The following PCDHGB5 variants were observed in gnomAD, a reference collection of about 807,000 sequenced individuals.
The protein encoded by PCDHGB5 is protocadherin gamma-B5.
PCDHGB5 carries 48 observed loss-of-function variants against 62.9 expected under a neutral mutation model. The observed-to-expected ratio is 0.76, with a 90% CI of 0.61 to 0.97. The LOEUF (loss-of-function observed/expected upper bound fraction) is 0.97. PCDHGB5 is among the 50% of genes least tolerant of loss of function. The pLI is 0.00. For missense variants in PCDHGB5, 1,118 were observed against 1,198.6 expected, an observed-to-expected ratio of 0.93 and a Z score of 0.99; for synonymous variants, 474 against 511.2, an observed-to-expected ratio of 0.93 and a Z score of 0.98.
chr5:141,493,808 C>T lies in PCDHGB5; in HGVS notation c.2398-999C>T, dbSNP rs2099750260. On this transcript the variant is annotated intron_variant, in intron 1 of 3. Transcript: ENST00000617380. The surrounding 1 kb of genome is among the most constrained non-coding windows in gnomAD (Gnocchi z 4.3). ...CTTCTCCCTGGAGTAATCTGAGATA[C>T]TCACACTCTCTGCTTCTGGGAGCAA... is the stretch of plus-strand genomic sequence containing the variant. 6.6e-6 allele frequency among the ~76,000 whole-genome samples: 1 copy of T among 152,200 alleles called. No individual in the cohort carries two copies. The highest frequency in any genetic ancestry group is 1.5e-5 in the Non-Finnish European group (1 of 68,042).
chr5:141,463,927 A>G (rs1454864391), intron 1 of PCDHGB5, among the ~76,000 whole-genome samples: 1 of 152,206 alleles, frequency 6.6e-6, no homozygotes, highest in Non-Finnish European at 1.5e-5. Flanking sequence ...AAATCATTCT[A>G]TATAAATTTA....
rs2095194600 is a variant in PCDHGB5 at position 141,408,919 on chromosome 5, C to T, written c.2397+8395C>T. On this transcript the variant is annotated intron_variant, in intron 1 of 3. Transcript: ENST00000617380. The stretch of plus-strand genomic sequence containing the variant: ...CTGTCAAGGATACCAATGATAACCC[C>T]CCGGTTTTCAGCAGAGACGAATATA... 2.5e-6 allele frequency: 4 copies of T among 1,613,346 alleles called. No individual in the cohort carries two copies. The African/African-American group carries it at 4.0e-5, about 16-fold the overall frequency.
chr5:141,443,827 G>A (rs1425599112), intron 1 of PCDHGB5, among the ~76,000 whole-genome samples: 1 of 152,054 alleles, frequency 6.6e-6, no homozygotes, highest in African/African-American at 2.4e-5. Context: ...ACATAATTAG[G>A]TAAAATGGGT....
chr5:141,398,041 G>A lies in PCDHGB5; in HGVS notation c.-87G>A. On this transcript the variant is annotated 5_prime_UTR_variant, in exon 1 of 4. Transcript: ENST00000617380. ...TAAACTGGAACTGGAACTAAAGCCC[G>A]TTCGGAGATCCAAAAATCTACAATA... 3 of 1,492,894 alleles carry A rather than the reference G, an allele frequency of 2.0e-6. No individual in the cohort carries two copies. The highest frequency in any genetic ancestry group is 2.7e-6 in the Non-Finnish European group (3 of 1,116,504). 92.5% of individuals were successfully genotyped at this position (1,492,894 alleles called of 1,614,324 possible).
rs1353862646 is a variant in PCDHGB5, at chr5:141,399,713, A to C, written c.1586A>C (p.Gln529Pro). 1 of 1,613,326 alleles carries C rather than the reference A, an allele frequency of 6.2e-7. No homozygotes were observed. Among genetic ancestry groups the C allele is most frequent in the Non-Finnish European group, 8.5e-7 (1 of 1,179,856 alleles). ...CTGCGCACCTTCGAACTCACACTAC[A>C]GGCCCGCGACCAGGGCTCGCCTGCG... ...EQLRTFELTL[Q>P]ARDQGSPALS... The change falls in exon 1 of 4, where the codon CAG becomes CCG. Residue 529 changes from glutamine to proline, a missense_variant. Around this residue, in one of 2 missense-constraint regions of PCDHGB5, gnomAD observed 1,034 missense variants for 1,029.1 expected, o/e 1.00. Transcript: ENST00000617380.
At chr5:141,448,069 T>C (rs1184496754) in intron 1 of PCDHGB5, among the ~76,000 whole-genome samples, 1 of 151,202 alleles carries the variant, frequency 6.6e-6, no homozygotes, top group Non-Finnish European at 1.5e-5. Context: ...CTGGGCAACA[T>C]GAACGAAATG....
chr5:141,444,360 G>A (rs556605314), intron 1 of PCDHGB5, among the ~76,000 whole-genome samples: 1 of 151,652 alleles, frequency 6.6e-6, no homozygotes, highest in South Asian at 2.1e-4. Context: ...TAGTAGAGAC[G>A]GGGTTTCTCC....
chr5:141,421,476 C>A, intron 1 of PCDHGB5: 2 of 1,614,158 alleles, frequency 1.2e-6, no homozygotes, highest in Non-Finnish European at 1.7e-6. Context: ...CGCGAAGCGG[C>A]AGCTTGATCA....
Position 141,444,152 on chromosome 5 carries a change from ATTTTTTTTTTTTTTTTT to A in PCDHGB5, c.2397+43648_2397+43664del, listed in dbSNP as rs747671382. Among the ~76,000 whole-genome samples, 167 of 33,906 alleles carry A rather than the reference ATTTTTTTTTTTTTTTTT, an allele frequency of 4.9e-3. 1 individual carries two copies. The highest frequency in any genetic ancestry group is 7.0e-3 in the Non-Finnish European group (136 of 19,318). The allele number at this position is 33,906 out of a possible 152,430, so 22.2% of individuals were successfully genotyped here. A position where few individuals can be genotyped will look rare whatever the true frequency, so the allele number is the denominator to read the frequency against. On this transcript the variant is annotated intron_variant, in intron 1 of 3. Coordinates refer to ENST00000617380, the MANE Select transcript of PCDHGB5 (RefSeq NM_018925.3). ...GATATGTGTCACTTGTGTGTACTGG[ATTTTTTTTTTTTTTTTT>A]TTTTTTTTTTTTTTTTTTTGAGATG...
At position 141,511,005 on chromosome 5, in the gene PCDHGB5, C is replaced by T; in HGVS notation, c.2604C>T (p.Ala868=). ...GGGAGTMGLS[A]RYGPQFTLQH... The stretch of plus-strand genomic sequence containing the variant: ...GTGCCGGCACCATGGGATTGAGCGC[C>T]CGCTACGGACCCCAGTTCACCCTGC... Residue 868 remains alanine, a synonymous_variant, in exon 4 of 4, where the codon GCC becomes GCT. Coordinates refer to ENST00000617380, the MANE Select transcript of PCDHGB5 (RefSeq NM_018925.3). The T allele has an allele frequency of 6.2e-7, 1 of 1,614,176 alleles. No individual in the cohort carries two copies.
At chr5:141,426,581 CCT>C (rs898552856) in intron 1 of PCDHGB5, 1 of 358,350 alleles carries the variant, frequency 2.8e-6, no homozygotes, top group Non-Finnish European at 5.6e-6. Flanking sequence ...TCTTCAAAAT[CCT>C]CTGTGTCATA....
At chr5:141,469,964 G>T (rs974494589) in intron 1 of PCDHGB5, among the ~76,000 whole-genome samples, 2 of 152,002 alleles carry the variant, frequency 1.3e-5, no homozygotes, top group Non-Finnish European at 2.9e-5. Flanking sequence ...AACCCCATCT[G>T]TACCAAAAAT....
Position 141,432,928 on chromosome 5 carries a change from C to T in PCDHGB5, c.2397+32404C>T, listed in dbSNP as rs1443097611. ...GGCTGCGGCGCTGGCACAAGTCACG[C>T]CTGCTGCAGGCTTCAGGAGGCGGCT... On this transcript the variant is annotated intron_variant, in intron 1 of 3. Transcript: ENST00000617380. This position sits in a 1 kb window ranked among gnomAD's most constrained non-coding sequence, Gnocchi z 6.0. 1.2e-6 allele frequency: 2 copies of T among 1,614,066 alleles called. No homozygotes were observed. Among genetic ancestry groups the T allele is most frequent in the African/African-American group, 1.3e-5 (1 of 74,942 alleles).
intron 2 of PCDHGB5, among the ~76,000 whole-genome samples, chr5:141,496,856 G>A (rs1324235700): frequency 6.7e-6 from 1 of 150,206 alleles, no homozygotes; most frequent in African/African-American, 2.5e-5. Context: ...CAGACCAGCA[G>A]AGGAGACTGA....
chr5:141,415,755 T>G (rs753465209), intron 1 of PCDHGB5: 41 of 1,387,576 alleles, frequency 3.0e-5, no homozygotes, highest in Middle Eastern at 2.6e-4. Flanking sequence ...TTTTTTTTTT[T>G]TTTTTTTTTT....
intron 3 of PCDHGB5, among the ~76,000 whole-genome samples, chr5:141,509,450 C>A (rs2099876883): frequency 6.6e-6 from 1 of 152,128 alleles, no homozygotes; most frequent in Non-Finnish European, 1.5e-5. Context: ...CCTCTCCCAC[C>A]CCCGACCCAG....
At position 141,424,020 on chromosome 5, in the gene PCDHGB5, C is replaced by A. The variant is rs1326303938; in HGVS notation, c.2397+23496C>A. ...TATATAGATACAAATTAATGATTCA[C>A]AAACACTTTTTATTTCCATTTCAAT... On this transcript the variant is annotated intron_variant, in intron 1 of 3. Coordinates refer to ENST00000617380, the MANE Select transcript of PCDHGB5 (RefSeq NM_018925.3). 3 of 1,050,122 alleles carry A rather than the reference C, an allele frequency of 2.9e-6. No individual in the cohort carries two copies. In the East Asian group the frequency reaches 2.2e-4, roughly 77 times the overall value. The allele number at this position is 1,050,122 out of a possible 1,614,324, so 65.1% of individuals were successfully genotyped here. A position where few individuals can be genotyped will look rare whatever the true frequency, so the allele number is the denominator to read the frequency against.
intron 1 of PCDHGB5, among the ~76,000 whole-genome samples, chr5:141,439,224 T>C (rs989512996): frequency 2.2e-4 from 33 of 152,030 alleles, no homozygotes; most frequent in Middle Eastern, 3.4e-3. Context: ...TGAAAATTCT[T>C]AGAAGCTTCC....
chr5:141,492,042 A>T, intron 1 of PCDHGB5: 1 of 519,520 alleles, frequency 1.9e-6, no homozygotes, highest in Non-Finnish European at 3.4e-6. Context: ...GCAGTCACAG[A>T]TCCACCCCTG....
Sources: allele counts gnomAD v4.1 joint callset (sites outside exome capture counted in the v4.1 genomes callset), GRCh38; gene constraint gnomAD v4.1.1; regional missense constraint gnomAD v4.1.1; non-coding constraint Gnocchi (gnomAD v3.1); transcripts MANE v1.5; gene names NCBI Gene and HGNC (gene_info 2026-07-23, HGNC 2026-07-21).